The following CNTN1 variants were observed in gnomAD, a reference collection of about 807,000 sequenced individuals.
CNTN1 encodes contactin-1.
CNTN1 carries 38 observed loss-of-function variants against 126.4 expected under a neutral mutation model. The ratio of observed to expected loss-of-function variants is 0.30; its 90% CI spans 0.23 to 0.39. CNTN1 has a LOEUF of 0.39. Among genes scored for constraint, CNTN1 ranks in the 10% least tolerant of loss-of-function variants. The pLI is 1.00. For synonymous variants in CNTN1, 413 were observed against 422.6 expected (o/e 0.98, Z 0.28); for missense variants, 1,009 against 1,248.4 (o/e 0.81, Z 2.89).
intron 17 of CNTN1, among the ~76,000 whole-genome samples, chr12:41,005,854 G>A (rs956054994): frequency 6.6e-6 from 1 of 152,056 alleles, no homozygotes; most frequent in African/African-American, 2.4e-5. Context: ...TCCTTACCTT[G>A]GGTTACAGTA....
chr12:40,764,132 T>C (rs975962186), intron 1 of CNTN1, among the ~76,000 whole-genome samples: 2 of 152,114 alleles, frequency 1.3e-5, no homozygotes, highest in Admixed American at 6.5e-5. Flanking sequence ...ACTCCTTCCA[T>C]AGAGGGAGTG....
chr12:40,967,028 ACCCATGGCT>A (rs1469863437), intron 15 of CNTN1, among the ~76,000 whole-genome samples: 1 of 152,004 alleles, frequency 6.6e-6, no homozygotes, highest in Non-Finnish European at 1.5e-5. Flanking sequence ...TTTAGTGTGT[ACCCATGGCT>A]CCCTTAAAAA....
At chr12:40,881,399 A>G (rs907183045) in intron 1 of CNTN1, among the ~76,000 whole-genome samples, 2 of 151,820 alleles carry the variant, frequency 1.3e-5, no homozygotes, top group African/African-American at 2.4e-5. Context: ...GTGATTGTCT[A>G]TTAGTTTATC....
chr12:40,876,315 A>G (rs982145938), intron 1 of CNTN1, among the ~76,000 whole-genome samples: 2 of 152,248 alleles, frequency 1.3e-5, no homozygotes, highest in African/African-American at 2.4e-5. Flanking sequence ...AAAAAAGCAT[A>G]CTTTTCTAAT....
At chr12:40,806,718 A>C (rs1940871646) in intron 1 of CNTN1, among the ~76,000 whole-genome samples, 1 of 152,096 alleles carries the variant, frequency 6.6e-6, no homozygotes, top group Admixed American at 6.6e-5. Context: ...GATCTTTAAA[A>C]TTTTAGCTCA....
chr12:40,995,081 T>C (rs376927934), intron 17 of CNTN1, among the ~76,000 whole-genome samples: 4 of 152,138 alleles, frequency 2.6e-5, no homozygotes, highest in East Asian at 3.8e-4. Context: ...TGTGAAAATA[T>C]TGAACATAGA....
intron 1 of CNTN1, among the ~76,000 whole-genome samples, chr12:40,784,042 TA>T (rs1470442358): frequency 6.6e-6 from 1 of 152,164 alleles, no homozygotes. Context: ...GTCAGCTATG[TA>T]AACAAATTAT....
At chr12:40,917,067 G>T (rs1336763371) in intron 3 of CNTN1, among the ~76,000 whole-genome samples, 2 of 129,626 alleles carry the variant, frequency 1.5e-5, no homozygotes, top group South Asian at 3.1e-4. Context: ...GGGGCGGGGG[G>T]GGGGGCAGAA....
chr12:40,832,214 T>C (rs1197914545), intron 1 of CNTN1, among the ~76,000 whole-genome samples: 2 of 152,194 alleles, frequency 1.3e-5, no homozygotes, highest in Non-Finnish European at 2.9e-5. Flanking sequence ...AGATAAATTC[T>C]CAGCATTTCT....
chr12:40,747,137 C>A (rs1287662999), intron 1 of CNTN1, among the ~76,000 whole-genome samples: 2 of 152,088 alleles, frequency 1.3e-5, no homozygotes, highest in Non-Finnish European at 2.9e-5. Context: ...AAAACTCATT[C>A]TGTCTCTATC....
intron 1 of CNTN1, among the ~76,000 whole-genome samples, chr12:40,773,655 A>ATATATATGTG (rs1939445054): frequency 2.9e-4 from 1 of 3,446 alleles, no homozygotes; most frequent in African/African-American, 4.5e-4. Context: ...ATATATATAT[A>ATATATATGTG]CACATATATA....
intron 1 of CNTN1, among the ~76,000 whole-genome samples, chr12:40,771,042 A>T (rs936875318): frequency 6.6e-6 from 1 of 152,036 alleles, no homozygotes; most frequent in Admixed American, 6.6e-5. Flanking sequence ...GTGCATTTTC[A>T]TTTGTTCATA....
chr12:40,947,085 G>A (rs1476187883), intron 14 of CNTN1, among the ~76,000 whole-genome samples: 1 of 151,900 alleles, frequency 6.6e-6, no homozygotes, highest in African/African-American at 2.4e-5. Context: ...TTTGTATTTA[G>A]TAATCCTACT....
intron 15 of CNTN1, among the ~76,000 whole-genome samples, chr12:40,978,576 AGCCAGACATGTAT>A (rs1352049732): frequency 5.3e-5 from 8 of 151,990 alleles, no homozygotes; most frequent in Non-Finnish European, 4.4e-5. Context: ...ACCTACCATA[AGCCAGACATGTAT>A]CCGAGAAAAC....
At chr12:40,970,804 G>A (rs1346633839) in intron 15 of CNTN1, among the ~76,000 whole-genome samples, 1 of 152,036 alleles carries the variant, frequency 6.6e-6, no homozygotes, top group Non-Finnish European at 1.5e-5. Context: ...CCTAACCTAT[G>A]GTCTTAGGCT....
intron 16 of CNTN1, among the ~76,000 whole-genome samples, chr12:40,985,189 T>G (rs1029207013): frequency 2.0e-5 from 3 of 152,116 alleles, no homozygotes; most frequent in Non-Finnish European, 2.9e-5. Context: ...TGTTTTTCTT[T>G]TCTTTTTCAC....
At chr12:41,012,420 A>C (rs1029995538) in intron 17 of CNTN1, among the ~76,000 whole-genome samples, 1 of 152,182 alleles carries the variant, frequency 6.6e-6, no homozygotes, top group Non-Finnish European at 1.5e-5. Context: ...GAGTTATGAC[A>C]GTTGCCAACA....
intron 3 of CNTN1, among the ~76,000 whole-genome samples, chr12:40,913,405 C>A (rs779132153): frequency 2.6e-5 from 4 of 152,128 alleles, no homozygotes; most frequent in Non-Finnish European, 5.9e-5. Context: ...TTACACCACT[C>A]CCCACCCAAT....
intron 16 of CNTN1, among the ~76,000 whole-genome samples, chr12:40,984,488 G>T (rs1240380887): frequency 8.5e-5 from 13 of 152,188 alleles, no homozygotes. Flanking sequence ...TTGTCACATG[G>T]TGAGAGAGGG....
Sources: gnomAD v4.1 joint callset for allele counts (sites outside exome capture counted in the v4.1 genomes callset) on GRCh38, gnomAD v4.1.1 for gene constraint, MANE v1.5 for transcripts, NCBI Gene and HGNC (gene_info 2026-07-23, HGNC 2026-07-21) for gene names.